Variants in MRAS observed in about 807,000 individuals in gnomAD.
MRAS encodes the protein ras-related protein M-Ras.
A neutral mutation model predicts 20.9 loss-of-function variants in MRAS; 4 were observed. That is an observed-to-expected ratio of 0.19 (90% confidence interval 0.09 to 0.44). The LOEUF is 0.44. Among genes scored for constraint, MRAS ranks in the 20% least tolerant of loss-of-function variants. MRAS has a pLI of 0.99. For missense variants in MRAS, 154 were observed against 277.5 expected, an observed-to-expected ratio of 0.56 and a Z score of 3.16; for synonymous variants, 98 against 102.9, an observed-to-expected ratio of 0.95 and a Z score of 0.29.
chr3:138,400,982 C>T (rs537710886), intron 5 of MRAS, among the ~76,000 whole-genome samples: 79 of 152,174 alleles, frequency 5.2e-4, no homozygotes, highest in Non-Finnish European at 1.0e-3. Flanking sequence ...CTTCCCTGCC[C>T]TGATATCAGA....
At position 138,405,135 on chromosome 3, in the gene MRAS, T is replaced by G. The variant is rs1471391121; in HGVS notation, c.*2866T>G. 1 of 152,600 alleles carries G rather than the reference T, an allele frequency of 6.6e-6. No homozygotes were observed. Among genetic ancestry groups the G allele is most frequent in the Non-Finnish European group, 1.5e-5 (1 of 68,078 alleles). 9.5% of individuals were successfully genotyped at this position (152,600 alleles called of 1,614,324 possible). On this transcript the variant is annotated 3_prime_UTR_variant, in exon 6 of 6. Transcript: ENST00000423968. ...ACTCGGGACACCTGGATGGTTTCTC[T>G]TAGGACTTTGCCCACCTCCTTCTCA...
intron 1 of MRAS, among the ~76,000 whole-genome samples, chr3:138,357,291 C>T (rs756678444): frequency 3.3e-5 from 5 of 152,196 alleles, no homozygotes; most frequent in South Asian, 2.1e-4. Flanking sequence ...GCCACCCAGC[C>T]GGGCTGCAGA....
At chr3:138,401,051 G>C (rs1446023437) in intron 5 of MRAS, among the ~76,000 whole-genome samples, 2 of 152,164 alleles carry the variant, frequency 1.3e-5, no homozygotes, top group Non-Finnish European at 2.9e-5. Context: ...TCAAATTTCA[G>C]AGGCATTGCA....
At chr3:138,367,956 T>C (rs921337517) in intron 1 of MRAS, among the ~76,000 whole-genome samples, 13 of 152,240 alleles carry the variant, frequency 8.5e-5, no homozygotes, top group Admixed American at 3.3e-4. Flanking sequence ...GGAAGTGATA[T>C]TGCCTTTTAG....
At chr3:138,374,105 C>T (rs1176478187) in intron 2 of MRAS, among the ~76,000 whole-genome samples, 13 of 151,768 alleles carry the variant, frequency 8.6e-5, no homozygotes, top group Admixed American at 6.6e-4. Flanking sequence ...ATTACAGGCA[C>T]GCACCACCAC....
intron 2 of MRAS, among the ~76,000 whole-genome samples, chr3:138,389,099 C>T (rs1482482579): frequency 6.6e-6 from 1 of 152,118 alleles, no homozygotes; most frequent in Non-Finnish European, 1.5e-5. Flanking sequence ...CTCGGCCTCC[C>T]AAAGTGCTGG....
intron 4 of MRAS, 38 bp downstream of exon 4, chr3:138,398,606 G>A: frequency 6.3e-7 from 1 of 1,586,078 alleles, no homozygotes; most frequent in Non-Finnish European, 8.7e-7. Context: ...GTCAGGAGAT[G>A]TGTAAAAGCT....
chr3:138,391,498 T>C (rs919985100), intron 2 of MRAS, among the ~76,000 whole-genome samples: 1 of 152,210 alleles, frequency 6.6e-6, no homozygotes, highest in African/African-American at 2.4e-5. Context: ...CTGAAACTTT[T>C]TGAGCGCTTA....
At chr3:138,377,519 G>A (rs2054809484) in intron 2 of MRAS, among the ~76,000 whole-genome samples, 1 of 152,212 alleles carries the variant, frequency 6.6e-6, no homozygotes, top group Non-Finnish European at 1.5e-5. Flanking sequence ...CAGGAGAATT[G>A]CCTGAACCCA....
At chr3:138,372,773 A>G (rs2054701439) in intron 1 of MRAS, 93 bp from the exon 2 acceptor site, 2 of 894,776 alleles carry the variant, frequency 2.2e-6, no homozygotes, top group Non-Finnish European at 3.2e-6. Context: ...TTTATAATTG[A>G]GAGTATTACT....
intron 1 of MRAS, among the ~76,000 whole-genome samples, chr3:138,357,446 A>G (rs1375294618): frequency 1.3e-5 from 2 of 152,068 alleles, no homozygotes; most frequent in African/African-American, 4.8e-5. Context: ...TCCCAGCCAC[A>G]CTCTGGCCTT....
At chr3:138,378,988 T>C (rs2054843393) in intron 2 of MRAS, among the ~76,000 whole-genome samples, 1 of 152,182 alleles carries the variant, frequency 6.6e-6, no homozygotes, top group Admixed American at 6.5e-5. Context: ...ATCCAGGTAA[T>C]TAGCATATCC....
rs2054756133 is a variant in MRAS at position 138,375,095 on chromosome 3, C to T, written c.193+2019C>T. 2.0e-5 allele frequency among the ~76,000 whole-genome samples: 3 copies of T among 152,126 alleles called. No homozygotes were observed. The South Asian group carries it at 6.2e-4, about 32-fold the overall frequency. On this transcript the variant is annotated intron_variant, in intron 2 of 5. Coordinates refer to ENST00000423968, the MANE Select transcript of MRAS (RefSeq NM_001085049.3). Reference sequence around the variant, plus strand: ...TTGGGGGGAATCTCCCATTGTCGCCCAGGCTGGTCTTGAACTCTTGGCTTC... The same window carrying T: ...TTGGGGGGAATCTCCCATTGTCGCCTAGGCTGGTCTTGAACTCTTGGCTTC...
In MRAS at chr3:138,366,075, C is replaced by G. The variant is rs368313251; in HGVS notation, c.-18-6791C>G. 3.3e-5 allele frequency among the ~76,000 whole-genome samples: 5 copies of G among 152,256 alleles called. No homozygotes were observed. In the East Asian group the frequency reaches 5.8e-4, roughly 18 times the overall value. On this transcript the variant is annotated intron_variant, in intron 1 of 5. Transcript: ENST00000423968. ...AAGTCTCGGGGAGCGGAGAGTGAAG[C>G]CTTAAGGGATGCCAAGTGGCCTAGA...
Position 138,403,831 on chromosome 3 carries a change from C to T in MRAS, c.*1562C>T, listed in dbSNP as rs1560192327. The T allele has an allele frequency of 6.6e-6, 1 of 152,378 alleles. No individual in the cohort carries two copies. The highest frequency in any genetic ancestry group is 2.4e-5 in the African/African-American group (1 of 41,448). 9.4% of individuals were successfully genotyped at this position (152,378 alleles called of 1,614,324 possible). A position where few individuals can be genotyped will look rare whatever the true frequency, so the allele number is the denominator to read the frequency against. On this transcript the variant is annotated 3_prime_UTR_variant, in exon 6 of 6. Coordinates refer to ENST00000423968, the MANE Select transcript of MRAS (RefSeq NM_001085049.3). ...AACTAGAATATCCTCAGCAGGTGGCCTGGCCACTCTGGAGAAAGAAACCCA... is the reference window on the plus strand; with the variant it reads ...AACTAGAATATCCTCAGCAGGTGGCTTGGCCACTCTGGAGAAAGAAACCCA...
intron 2 of MRAS, among the ~76,000 whole-genome samples, chr3:138,384,742 G>A (rs996043288): frequency 1.3e-5 from 2 of 152,150 alleles, no homozygotes; most frequent in African/African-American, 4.8e-5. Flanking sequence ...TGCGGTTAGA[G>A]AAGGACCCAC....
chr3:138,404,623 A>T lies in MRAS; in HGVS notation c.*2354A>T, dbSNP rs913046642. ...TGGTCTTCTGTATCCTCTGCTGTTG[A>T]GCCTCTGGTAAGCTTTCATCTCCCA... is the stretch of plus-strand genomic sequence containing the variant. On this transcript the variant is annotated 3_prime_UTR_variant, in exon 6 of 6. Transcript: ENST00000423968. The T allele has an allele frequency of 4.6e-5, 7 of 152,208 alleles. No homozygotes were observed. Among genetic ancestry groups the T allele is most frequent in the African/African-American group, 1.7e-4 (7 of 41,452 alleles). 9.4% of individuals were successfully genotyped at this position (152,208 alleles called of 1,614,324 possible).
At chr3:138,378,873 C>G (rs1343812509) in intron 2 of MRAS, among the ~76,000 whole-genome samples, 1 of 152,086 alleles carries the variant, frequency 6.6e-6, no homozygotes, top group Non-Finnish European at 1.5e-5. Context: ...CACTGACTCC[C>G]CATTCTCCCC....
intron 4 of MRAS, among the ~76,000 whole-genome samples, chr3:138,399,972 G>T (rs1576391442): frequency 6.6e-6 from 1 of 152,202 alleles, no homozygotes; most frequent in African/African-American, 2.4e-5. Context: ...ACCATTGAAC[G>T]TGCAGACAAA....
Sources: allele counts gnomAD v4.1 joint callset (sites outside exome capture counted in the v4.1 genomes callset), GRCh38; gene constraint gnomAD v4.1.1; transcripts MANE v1.5; gene names NCBI Gene and HGNC (gene_info 2026-07-23, HGNC 2026-07-21).